The following ANKRD28 variants were observed in gnomAD, a reference collection of about 807,000 sequenced individuals.
ANKRD28 encodes the protein ankyrin repeat domain 28.
A neutral mutation model predicts 126.5 loss-of-function variants in ANKRD28; 44 were observed. The observed-to-expected ratio is 0.35, with a 90% confidence interval of 0.27 to 0.45. The LOEUF is 0.45. Ranked by LOEUF, ANKRD28 falls within the 20% of genes least tolerant of loss-of-function variation. The pLI is 1.00. For missense variants in ANKRD28, 1,110 were observed against 1,316.6 expected (o/e 0.84, Z 2.43); for synonymous variants, 442 against 468.5 (o/e 0.94, Z 0.73).
intron 6 of ANKRD28, among the ~76,000 whole-genome samples, chr3:15,731,636 T>C (rs2074603209): frequency 6.6e-6 from 1 of 151,954 alleles, no homozygotes; most frequent in African/African-American, 2.4e-5. Context: ...ATAGGGACAT[T>C]TGCAGAAGTT....
At chr3:15,765,950 T>G (rs189108458) in intron 3 of ANKRD28, among the ~76,000 whole-genome samples, 5 of 152,114 alleles carry the variant, frequency 3.3e-5, no homozygotes, top group African/African-American at 1.2e-4. Context: ...GCACTCATCA[T>G]CATTTAATAT....
intron 4 of ANKRD28, among the ~76,000 whole-genome samples, chr3:15,739,119 T>C (rs2075259401): frequency 6.6e-6 from 1 of 152,166 alleles, no homozygotes; most frequent in South Asian, 2.1e-4. Flanking sequence ...TTTCATATCG[T>C]TCAAACAATT....
chr3:15,692,144 TAA>T (rs908039642), intron 17 of ANKRD28, among the ~76,000 whole-genome samples: 2,338 of 98,866 alleles, frequency 0.024, 53 homozygotes, highest in African/African-American at 0.1. Context: ...TATCTCTAAA[TAA>T]AAAAAAAAAA....
In ANKRD28 at chr3:15,677,000, G is replaced by A. The variant is rs201334606; in HGVS notation, c.2847C>T (p.Ile949=). ...TTTGCAAGGCTGCGTTGGTTGCATT[G>A]ATGAGGTTTCTATCTGTTATCTTTT... ...ILEKITDRNL[I]NATNAALQTP... Residue 949 remains isoleucine, a synonymous_variant, in exon 26 of 28, where the codon ATC becomes ATT. Coordinates refer to ENST00000683139, the MANE Select transcript of ANKRD28 (RefSeq NM_001349278.2). 486 of 1,612,746 alleles carry A rather than the reference G, an allele frequency of 3.0e-4. No individual in the cohort carries two copies. Among genetic ancestry groups the A allele is most frequent in the Non-Finnish European group, 4.0e-4 (473 of 1,179,516 alleles).
At chr3:15,677,846 T>C (rs1187696320) in intron 24 of ANKRD28, among the ~76,000 whole-genome samples, 4 of 152,198 alleles carry the variant, frequency 2.6e-5, no homozygotes, top group Non-Finnish European at 5.9e-5. Context: ...TTTAAAGTAA[T>C]TTATTTAACC....
chr3:15,753,893 G>A (rs572348038), intron 3 of ANKRD28, among the ~76,000 whole-genome samples: 39 of 152,198 alleles, frequency 2.6e-4, no homozygotes, highest in South Asian at 1.5e-3. Context: ...GCAGTGAGCC[G>A]AGATTGCACC....
chr3:15,686,524 A>C, intron 18 of ANKRD28: 1 of 564,016 alleles, frequency 1.8e-6, no homozygotes, highest in South Asian at 2.1e-5. Context: ...CATGACAGGC[A>C]GACCGCCTAC....
intron 1 of ANKRD28, among the ~76,000 whole-genome samples, chr3:15,858,468 A>T (rs775247914): frequency 2.0e-5 from 3 of 152,214 alleles, no homozygotes; most frequent in Non-Finnish European, 4.4e-5. Context: ...GTTCTTCCCC[A>T]TTGTTTTCGC....
intron 27 of ANKRD28, among the ~76,000 whole-genome samples, chr3:15,673,750 C>G (rs890959799): frequency 6.6e-6 from 1 of 152,066 alleles, no homozygotes; most frequent in Non-Finnish European, 1.5e-5. Flanking sequence ...GCAGAGTAAA[C>G]AGCCAGAATG....
chr3:15,731,876 G>GAAAAA (rs1559425875), intron 6 of ANKRD28: 34 of 64,890 alleles, frequency 5.2e-4, no homozygotes, highest in East Asian at 8.2e-4. Flanking sequence ...AAAAAAAAAG[G>GAAAAA]GGGGGGGGGT....
chr3:15,825,147 T>A (rs1380907902), intron 1 of ANKRD28, among the ~76,000 whole-genome samples: 1 of 152,182 alleles, frequency 6.6e-6, no homozygotes, highest in Non-Finnish European at 1.5e-5. Context: ...AATCTCTTTT[T>A]ATGGAATGAT....
At position 15,815,527 on chromosome 3, in the gene ANKRD28, G is replaced by T. The variant is rs924133197; in HGVS notation, c.28-20221C>A. 6.6e-6 allele frequency among the ~76,000 whole-genome samples: 1 copy of T among 151,982 alleles called. No individual in the cohort carries two copies. Among genetic ancestry groups the T allele is most frequent in the African/African-American group, 2.4e-5 (1 of 41,378 alleles). The stretch of plus-strand genomic sequence containing the variant: ...TGCCTAGGCTGGTCTCAAACTCCTG[G>T]GCTCAAGCGATCCTCCTGCCTTGGC... On this transcript the variant is annotated intron_variant, in intron 1 of 27. Coordinates refer to the ANKRD28 transcript ENST00000399451. The surrounding 1 kb of genome is among the most constrained non-coding windows in gnomAD (Gnocchi z 4.1).
intron 16 of ANKRD28, 112 bp downstream of exon 16, chr3:15,695,076 T>C: frequency 2.2e-6 from 2 of 889,122 alleles, no homozygotes; most frequent in Non-Finnish European, 1.8e-6. Flanking sequence ...ACCGTCTTTG[T>C]GCCTAATATG....
chr3:15,742,943 G>C (rs1356627627), intron 4 of ANKRD28, among the ~76,000 whole-genome samples: 22 of 151,576 alleles, frequency 1.5e-4, no homozygotes, highest in Non-Finnish European at 4.4e-5. Flanking sequence ...AGGGGGGAAA[G>C]GCGGGGAAAG....
Position 15,812,472 on chromosome 3 carries a change from T to G in ANKRD28, c.28-17166A>C, listed in dbSNP as rs1262523290. Among the ~76,000 whole-genome samples, 3 of 152,236 alleles carry G rather than the reference T, an allele frequency of 2.0e-5. No homozygotes were observed. The highest frequency in any genetic ancestry group is 4.4e-5 in the Non-Finnish European group (3 of 68,044). On this transcript the variant is annotated intron_variant, in intron 1 of 27. Coordinates refer to the ANKRD28 transcript ENST00000399451. The surrounding 1 kb of genome is among the most constrained non-coding windows in gnomAD (Gnocchi z 4.1). ...GCTAAATGATTTGTGACTCTGCCTT[T>G]TCTCCAACACACATTCCAGGAAAGA... is the stretch of plus-strand genomic sequence containing the variant.
chr3:15,851,713 C>T (rs2061656023), intron 1 of ANKRD28, among the ~76,000 whole-genome samples: 1 of 152,132 alleles, frequency 6.6e-6, no homozygotes, highest in African/African-American at 2.4e-5. Context: ...ATGGTGCAGC[C>T]ACTCTAGAAA....
chr3:15,735,566 A>T, intron 5 of ANKRD28, 69 bp from the exon 6 acceptor site: 1 of 1,204,412 alleles, frequency 8.3e-7, no homozygotes, highest in South Asian at 1.4e-5. Context: ...TACATTTCTG[A>T]CAGTTACTTA....
At chr3:15,800,936 A>G (rs2125851977), upstream of ANKRD28, among the ~76,000 whole-genome samples, 1 of 152,270 alleles carries the variant, frequency 6.6e-6, no homozygotes, top group Admixed American at 6.5e-5. Context: ...CCCTCAAGGA[A>G]CTCACATCTT....
intron 2 of ANKRD28, among the ~76,000 whole-genome samples, chr3:15,780,807 A>T (rs1020418061): frequency 4.6e-5 from 7 of 152,208 alleles, no homozygotes; most frequent in Non-Finnish European, 8.8e-5. Flanking sequence ...GGTGCCAAGA[A>T]CACATAATGT....
Sources: gnomAD v4.1 joint callset for allele counts (sites outside exome capture counted in the v4.1 genomes callset) on GRCh38, gnomAD v4.1.1 for gene constraint, Gnocchi (gnomAD v3.1) non-coding constraint, MANE v1.5 for transcripts, NCBI Gene and HGNC (gene_info 2026-07-23, HGNC 2026-07-21) for gene names.